ACAD9: variants seen among roughly 807,000 people sequenced by gnomAD.
ACAD9 encodes the protein complex I assembly factor ACAD9, mitochondrial.
A neutral mutation model predicts 70.2 loss-of-function variants in ACAD9; 53 were observed. The ratio of observed to expected loss-of-function variants is 0.75; its 90% CI spans 0.61 to 0.95. The LOEUF (loss-of-function observed/expected upper bound fraction) is 0.95. Ranked by LOEUF, ACAD9 falls within the 40% of genes least tolerant of loss-of-function variation. ACAD9 has a pLI of 0.00. For missense variants in ACAD9, 777 were observed against 802.8 expected (o/e 0.97, Z 0.39); for synonymous variants, 313 against 312.1 (o/e 1.00, Z -0.03).
intron 2 of ACAD9, 150 bp downstream of exon 2, chr3:128,884,896 GCCAT>G: frequency 1.4e-6 from 1 of 699,720 alleles, no homozygotes; most frequent in South Asian, 1.6e-5. Context: ...CATCCCTATT[GCCAT>G]TTAATTAAAA....
At position 128,897,713 on chromosome 3, in the gene ACAD9, AG is replaced by A; in HGVS notation, c.633+6del. 1 of 1,612,940 alleles carries A rather than the reference AG, an allele frequency of 6.2e-7. No individual in the cohort carries two copies. The highest frequency in any genetic ancestry group is 8.5e-7 in the Non-Finnish European group (1 of 1,179,434). On this transcript the variant is annotated splice_donor_region_variant and intron_variant, in intron 6 of 17. Transcript: ENST00000308982. The stretch of plus-strand genomic sequence containing the variant: ...ACTACATCCTCAATGGCTCCAAGGT[AG>A]GGTTCCTTCCCCATGGCCACATTAG...
chr3:128,908,147 C>A, intron 12 of ACAD9, 38 bp from the exon 13 acceptor site: 2 of 1,602,298 alleles, frequency 1.2e-6, no homozygotes, highest in Non-Finnish European at 1.7e-6. Context: ...GCTGCCTGGC[C>A]GGGGGGCAGC....
At position 128,879,630 on chromosome 3, in the gene ACAD9, T is replaced by C. The variant is rs982210342; in HGVS notation, c.-62T>C. Reference sequence around the variant, plus strand: ...CGGGCCAGTAACGTCATCAGACGTGTGTGTGTCCCTGCGGCGCTAAGAAGG... The same window carrying C: ...CGGGCCAGTAACGTCATCAGACGTGCGTGTGTCCCTGCGGCGCTAAGAAGG... On this transcript the variant is annotated 5_prime_UTR_variant, in exon 1 of 18. Transcript: ENST00000308982. 1 of 1,595,350 alleles carries C rather than the reference T, an allele frequency of 6.3e-7. No homozygotes were observed. The highest frequency in any genetic ancestry group is 8.6e-7 in the Non-Finnish European group (1 of 1,165,880).
chr3:128,892,547 T>TAG (rs1270476063), intron 2 of ACAD9, among the ~76,000 whole-genome samples: 20 of 152,242 alleles, frequency 1.3e-4, no homozygotes, highest in Non-Finnish European at 2.6e-4. Context: ...ATTTTTATTT[T>TAG]AGAGATGAGA....
intron 10 of ACAD9, 103 bp from the exon 11 acceptor site, chr3:128,904,283 C>G (rs1407816006): frequency 1.2e-6 from 2 of 1,605,136 alleles, no homozygotes; most frequent in African/African-American, 1.3e-5. Flanking sequence ...GCTTGCTTCT[C>G]TTGGGCATTG....
intron 6 of ACAD9, among the ~76,000 whole-genome samples, chr3:128,898,271 C>T (rs986250703): frequency 6.6e-6 from 1 of 152,212 alleles, no homozygotes; most frequent in African/African-American, 2.4e-5. Flanking sequence ...GTGCCTCTTC[C>T]AGCAGCATCG....
intron 2 of ACAD9, among the ~76,000 whole-genome samples, chr3:128,885,073 G>A (rs1001675173): frequency 1.3e-5 from 2 of 152,236 alleles, no homozygotes; most frequent in African/African-American, 2.4e-5. Flanking sequence ...AGCCCATGGA[G>A]CATGTGTTGG....
At position 128,894,269 on chromosome 3, in the gene ACAD9, C is replaced by G. The variant is rs140075522; in HGVS notation, c.346+613C>G. Among the ~76,000 whole-genome samples, 517 of 152,300 alleles carry G rather than the reference C, an allele frequency of 3.4e-3. 4 individuals carry two copies. The highest frequency in any genetic ancestry group is 0.012 in the African/African-American group (496 of 41,562). On this transcript the variant is annotated intron_variant, in intron 3 of 17. Transcript: ENST00000308982. ...ACAGACCCCCAAAACAGAAAACAAT[C>G]CATTCCAAAATGTTACAGTGCCACA... is the stretch of plus-strand genomic sequence containing the variant.
In ACAD9 at chr3:128,896,512, C is replaced by T; in HGVS notation, c.530C>T (p.Ala177Val). The T allele has an allele frequency of 6.2e-7, 1 of 1,614,194 alleles. No homozygotes were observed. Among genetic ancestry groups the T allele is most frequent in the Non-Finnish European group, 8.5e-7 (1 of 1,180,036 alleles). Residue 177 changes from alanine (A) to valine (V), a missense_variant, in exon 5 of 18, where the codon GCC becomes GTC. Coordinates refer to ENST00000308982, the MANE Select transcript of ACAD9 (RefSeq NM_014049.5). Reference protein sequence around the residue: ...PKLASGEHIAAFCLTEPASGS... With the variant: ...PKLASGEHIAVFCLTEPASGS... ...CTGGCGTCCGGGGAGCACATTGCAG[C>T]CTTCTGCCTCACGGAGCCAGCCAGG...
chr3:128,902,775 G>A lies in ACAD9; in HGVS notation c.958+147G>A. 1 of 895,752 alleles carries A rather than the reference G, an allele frequency of 1.1e-6. No homozygotes were observed. Among genetic ancestry groups the A allele is most frequent in the South Asian group, 1.4e-5 (1 of 69,562 alleles). 55.5% of individuals were successfully genotyped at this position (895,752 alleles called of 1,614,324 possible). Reference sequence around the variant, plus strand: ...AGCTCAGTCCCTGGGCTTTTGTGGAGACCAGAGGGTCTCCTCAGCCTGCCC... The same window carrying A: ...AGCTCAGTCCCTGGGCTTTTGTGGAAACCAGAGGGTCTCCTCAGCCTGCCC... On this transcript the variant is annotated intron_variant, in intron 9 of 17. Coordinates refer to ENST00000308982, the MANE Select transcript of ACAD9 (RefSeq NM_014049.5). The surrounding 1 kb of genome is among the most constrained non-coding windows in gnomAD (Gnocchi z 4.0).
rs527482889 is a variant in ACAD9, at chr3:128,909,260, A to G, written c.1486-84A>G. On this transcript the variant is annotated intron_variant, in intron 14 of 17. Coordinates refer to ENST00000308982, the MANE Select transcript of ACAD9 (RefSeq NM_014049.5). ...CTGGATTGCTTCCCCCAGATGGGGC[A>G]TCTCTGCCTGGTACCCGGGCTGTGA... is the stretch of plus-strand genomic sequence containing the variant. The G allele has an allele frequency of 3.8e-6, 6 of 1,599,728 alleles. No homozygotes were observed. In the South Asian group the frequency reaches 5.5e-5, roughly 15 times the overall value.
chr3:128,896,370 T>G, intron 4 of ACAD9, 66 bp from the exon 5 acceptor site: 1 of 1,507,470 alleles, frequency 6.6e-7, no homozygotes, highest in Non-Finnish European at 9.2e-7. Flanking sequence ...AAGGAAATGT[T>G]TCACAAACAC....
intron 1 of ACAD9, among the ~76,000 whole-genome samples, chr3:128,881,915 C>G (rs1354113390): frequency 6.6e-6 from 1 of 152,216 alleles, no homozygotes; most frequent in Non-Finnish European, 1.5e-5. Flanking sequence ...CTACAGCCAT[C>G]TGCTGGGTGA....
At chr3:128,896,575 G>A in intron 5 of ACAD9, 39 bp downstream of exon 5, 1 of 1,605,898 alleles carries the variant, frequency 6.2e-7, no homozygotes, top group Non-Finnish European at 8.5e-7. Flanking sequence ...CAGCAGCTGT[G>A]ATGTTGCCCA....
Position 128,897,651 on chromosome 3 carries a change from A to G in ACAD9, c.574A>G (p.Ile192Val). 1.9e-6 allele frequency: 3 copies of G among 1,613,838 alleles called. No homozygotes were observed. The highest frequency in any genetic ancestry group is 3.3e-5 in the Admixed American group (2 of 59,996). Residue 192 changes from isoleucine to valine, a missense_variant, in exon 6 of 18, where the codon ATC becomes GTC. Ile to Val is a conservative substitution (Grantham distance 29, BLOSUM62 3). Coordinates refer to ENST00000308982, the MANE Select transcript of ACAD9 (RefSeq NM_014049.5). ...CTGCAGTGGGAGCGATGCAGCCTCA[A>G]TCCGGAGCAGAGCCACACTAAGTGA... is the stretch of plus-strand genomic sequence containing the variant. ...EPASGSDAASIRSRATLSEDK... is the reference protein window; with the variant it reads ...EPASGSDAASVRSRATLSEDK...
chr3:128,900,641 G>A (rs142564404), intron 7 of ACAD9, among the ~76,000 whole-genome samples: 12 of 151,902 alleles, frequency 7.9e-5, no homozygotes, highest in Non-Finnish European at 1.8e-4. Flanking sequence ...GGGATTATAG[G>A]CATGAGCCAC....
rs1252259605 is a variant in ACAD9 at position 128,895,355 on chromosome 3, T to C, written c.392T>C (p.Ile131Thr). 6.2e-7 allele frequency: 1 copy of C among 1,612,956 alleles called. No individual in the cohort carries two copies. The highest frequency in any genetic ancestry group is 8.5e-7 in the Non-Finnish European group (1 of 1,179,572). ...SNTMYSRLGE[I>T]ISMDGSITVT... ...ACCATGTACTCAAGACTAGGGGAGA[T>C]CATCAGCATGGATGGGTCCATCACT... Residue 131 changes from isoleucine (I) to threonine (T), a missense_variant, in exon 4 of 18, where the codon ATC (isoleucine) becomes ACC (threonine). Transcript: ENST00000308982.
At chr3:128,894,466 T>G (rs1935508721) in intron 3 of ACAD9, among the ~76,000 whole-genome samples, 2 of 152,098 alleles carry the variant, frequency 1.3e-5, no homozygotes, top group African/African-American at 4.8e-5. Flanking sequence ...TATGCTTGTA[T>G]GCCTAGAAAA....
intron 6 of ACAD9, chr3:128,898,470 A>G (rs751846574): frequency 6.3e-5 from 28 of 445,854 alleles, no homozygotes; most frequent in South Asian, 3.8e-4. Context: ...CAGTGGCACG[A>G]TCTTGGCTCA....
Sources: allele counts gnomAD v4.1 joint callset (sites outside exome capture counted in the v4.1 genomes callset), GRCh38; gene constraint gnomAD v4.1.1; non-coding constraint Gnocchi (gnomAD v3.1); transcripts MANE v1.5; gene names NCBI Gene and HGNC (gene_info 2026-07-23, HGNC 2026-07-21).